The following MIER3 variants were observed in gnomAD, a reference collection of about 807,000 sequenced individuals.
MIER3 encodes the protein mesoderm induction early response protein 3.
A neutral mutation model predicts 63.2 loss-of-function variants in MIER3; 9 were observed. The ratio of observed to expected loss-of-function variants is 0.14; its 90% CI spans 0.09 to 0.25. The LOEUF (loss-of-function observed/expected upper bound fraction) is 0.25. Among genes scored for constraint, MIER3 ranks in the 10% least tolerant of loss-of-function variants. MIER3 has a pLI of 1.00. For synonymous variants in MIER3, 205 were observed against 224.9 expected, an observed-to-expected ratio of 0.91 and a Z score of 0.79; for missense variants, 512 against 666.2, an observed-to-expected ratio of 0.77 and a Z score of 2.55.
intron 7 of MIER3, among the ~76,000 whole-genome samples, chr5:56,934,974 A>G (rs1465958809): frequency 1.3e-5 from 2 of 152,248 alleles, no homozygotes; most frequent in African/African-American, 4.8e-5. Flanking sequence ...TACAAGTGAA[A>G]GCAGATCCTT....
Position 56,938,967 on chromosome 5 carries a change from AG to A in MIER3, c.230del (p.Pro77LeufsTer25). On this transcript the variant is annotated frameshift_variant, in exon 4 of 13. Coordinates refer to ENST00000381199, the MANE Select transcript of MIER3 (RefSeq NM_001297599.2). LOFTEE classifies it high-confidence loss of function. ...EDLLAFYGYE[P>X]TIPAVANSSA... The stretch of plus-strand genomic sequence containing the variant: ...TGGAATTTGCAACTGCTGGAATTGT[AG>A]GTTCATAGCCATAGAATGCCAGTAA... The A allele has an allele frequency of 6.2e-7, 1 of 1,614,174 alleles. No homozygotes were observed. Among genetic ancestry groups the A allele is most frequent in the Non-Finnish European group, 8.5e-7 (1 of 1,180,016 alleles).
At chr5:56,926,657 T>G (rs1749997606) in intron 10 of MIER3, among the ~76,000 whole-genome samples, 1 of 150,858 alleles carries the variant, frequency 6.6e-6, no homozygotes, top group African/African-American at 2.5e-5. Flanking sequence ...GGAAGACAGT[T>G]TGGCAGTTTC....
At chr5:56,938,350 G>A (rs773871781) in intron 4 of MIER3, 2 of 471,018 alleles carry the variant, frequency 4.2e-6, no homozygotes, top group East Asian at 6.9e-5. Context: ...TGAAAGGCAA[G>A]GAAAGGTTCC....
chr5:56,929,573 CAAAA>C (rs1472395475), intron 9 of MIER3: 1 of 151,842 alleles, frequency 6.6e-6, no homozygotes, highest in Non-Finnish European at 1.5e-5. Context: ...TCAAAAAAGA[CAAAA>C]AACAAAACCA....
At chr5:56,946,743 G>A (rs1000060002) in intron 3 of MIER3, among the ~76,000 whole-genome samples, 183 bp downstream of exon 3, 3 of 150,414 alleles carry the variant, frequency 2.0e-5, no homozygotes, top group Non-Finnish European at 4.4e-5. Flanking sequence ...TAAAAATTAA[G>A]TTAACAGATA....
intron 4 of MIER3, among the ~76,000 whole-genome samples, chr5:56,938,602 G>T (rs1317542336): frequency 6.6e-6 from 1 of 152,220 alleles, no homozygotes; most frequent in East Asian, 1.9e-4. Context: ...ATCAAAAGAA[G>T]TTAAGGCAAA....
intron 9 of MIER3, among the ~76,000 whole-genome samples, chr5:56,929,868 C>A (rs1336860488): frequency 1.3e-5 from 2 of 152,182 alleles, no homozygotes; most frequent in East Asian, 3.9e-4. Flanking sequence ...ACATGGGAGA[C>A]CAGGTCCCCA....
intron 8 of MIER3, among the ~76,000 whole-genome samples, chr5:56,932,888 T>A (rs1750320682): frequency 6.6e-6 from 1 of 152,128 alleles, no homozygotes; most frequent in South Asian, 2.1e-4. Flanking sequence ...TGTTGAAATT[T>A]AGGGAAAAAT....
intron 3 of MIER3, among the ~76,000 whole-genome samples, chr5:56,946,022 A>G (rs1359061951): frequency 6.6e-6 from 1 of 152,224 alleles, no homozygotes; most frequent in Non-Finnish European, 1.5e-5. Flanking sequence ...TTCACTACAG[A>G]TAAGAACAAC....
intron 8 of MIER3, among the ~76,000 whole-genome samples, chr5:56,932,776 AAAGTT>A (rs1023180426): frequency 6.6e-6 from 1 of 152,236 alleles, no homozygotes; most frequent in Non-Finnish European, 1.5e-5. Flanking sequence ...CTTCCTAAAT[AAAGTT>A]GAGAATAATT....
At chr5:56,941,011 G>A in intron 3 of MIER3, 1 of 985,374 alleles carries the variant, frequency 1.0e-6, no homozygotes, top group Non-Finnish European at 1.2e-6. Context: ...TTTATGCACT[G>A]ATGGTCCACC....
chr5:56,949,969 A>T (rs535157646), intron 2 of MIER3, among the ~76,000 whole-genome samples: 12 of 152,200 alleles, frequency 7.9e-5, no homozygotes, highest in African/African-American at 2.7e-4. Context: ...GTAATTATGC[A>T]TATGTGCAGA....
At chr5:56,942,995 A>G (rs1202800421) in intron 3 of MIER3, among the ~76,000 whole-genome samples, 1 of 152,064 alleles carries the variant, frequency 6.6e-6, no homozygotes, top group African/African-American at 2.4e-5. Context: ...TTTTTTTTTA[A>G]ATTAGCCAGG....
rs1190672160 is a variant in MIER3, at chr5:56,923,821, A to G, written c.1065T>C (p.Asp355=). The part of the protein sequence containing the change: ...NHHPGVTDYM[D]RLVDETEALG... ...AAGCTTCTGTTTCATCTACTAAACGATCCATATAGTCCCTGAAAAACACAC... is the reference window on the plus strand; with the variant it reads ...AAGCTTCTGTTTCATCTACTAAACGGTCCATATAGTCCCTGAAAAACACAC... The change falls in exon 12 of 13, where the codon GAT becomes GAC. Residue 355 remains aspartate, a synonymous_variant. Transcript: ENST00000381199. 1 of 1,614,198 alleles carries G rather than the reference A, an allele frequency of 6.2e-7. No homozygotes were observed.
intron 3 of MIER3, among the ~76,000 whole-genome samples, chr5:56,942,545 G>C (rs1318812681): frequency 6.6e-6 from 1 of 152,202 alleles, no homozygotes; most frequent in Non-Finnish European, 1.5e-5. Flanking sequence ...GGATGGGATG[G>C]TAACGATGAG....
chr5:56,925,786 C>A (rs1057306718), intron 10 of MIER3, among the ~76,000 whole-genome samples: 1 of 151,520 alleles, frequency 6.6e-6, no homozygotes, highest in Non-Finnish European at 1.5e-5. Flanking sequence ...CCAGAATAGC[C>A]AACATAGTAT....
chr5:56,936,913 T>C, intron 5 of MIER3: 1 of 152,132 alleles, frequency 6.6e-6, no homozygotes, highest in East Asian at 1.9e-4. Flanking sequence ...ACTGATAAGT[T>C]TTCAAAACCA....
chr5:56,949,298 C>A (rs1162998808), intron 2 of MIER3, among the ~76,000 whole-genome samples: 4 of 152,110 alleles, frequency 2.6e-5, no homozygotes, highest in African/African-American at 9.7e-5. Context: ...GCGGAGGTTA[C>A]AGTGAGATTG....
intron 4 of MIER3, among the ~76,000 whole-genome samples, chr5:56,938,093 A>G (rs1228293493): frequency 6.6e-6 from 1 of 152,184 alleles, no homozygotes; most frequent in Non-Finnish European, 1.5e-5. Context: ...CAATAATTTA[A>G]AAGTCCGACT....
Sources: gnomAD v4.1 joint callset for allele counts (sites outside exome capture counted in the v4.1 genomes callset) on GRCh38, gnomAD v4.1.1 for gene constraint, MANE v1.5 for transcripts, NCBI Gene and HGNC (gene_info 2026-07-23, HGNC 2026-07-21) for gene names.